Variants in SNTG2 observed in about 807,000 individuals in gnomAD.
SNTG2 encodes the protein gamma-2-syntrophin.
Under a neutral mutation model 70.9 loss-of-function variants are expected in SNTG2, and 74 were observed. The observed-to-expected ratio is 1.04, with a 90% CI of 0.86 to 1.27. The LOEUF is 1.27. Among genes scored for constraint, SNTG2 ranks in the 50% most tolerant of loss-of-function variants. The pLI, the probability that SNTG2 is intolerant of heterozygous loss-of-function variation, is 0.00. For missense variants in SNTG2, 717 were observed against 690.7 expected (o/e 1.04, Z -0.43); for synonymous variants, 278 against 273.8 (o/e 1.02, Z -0.15).
At chr2:1,362,106 T>G in intron 16 of SNTG2, among the ~76,000 whole-genome samples, 1 of 152,102 alleles carries the variant, frequency 6.6e-6, no homozygotes, top group Non-Finnish European at 1.5e-5. Flanking sequence ...TCCATGAAAG[T>G]CACTGATGCT....
intron 1 of SNTG2, among the ~76,000 whole-genome samples, chr2:959,088 T>C (rs1217900576): frequency 6.6e-6 from 1 of 152,150 alleles, no homozygotes; most frequent in African/African-American, 2.4e-5. Context: ...ATAACACTTA[T>C]ATAAGGTTTA....
intron 9 of SNTG2, among the ~76,000 whole-genome samples, chr2:1,211,144 TCTAA>T (rs1325533026): frequency 4.6e-5 from 7 of 152,236 alleles, no homozygotes; most frequent in Admixed American, 6.5e-5. Context: ...CAGTTCGTGC[TCTAA>T]CTGTGAATTC....
intron 8 of SNTG2, among the ~76,000 whole-genome samples, chr2:1,204,491 A>G (rs1371574992): frequency 6.6e-6 from 1 of 152,216 alleles, no homozygotes; most frequent in East Asian, 1.9e-4. Flanking sequence ...GTTACCTACA[A>G]TCAACCACAT....
At chr2:1,055,695 A>C (rs1174629084) in intron 1 of SNTG2, among the ~76,000 whole-genome samples, 1 of 152,234 alleles carries the variant, frequency 6.6e-6, no homozygotes, top group Non-Finnish European at 1.5e-5. Flanking sequence ...ATTTGGAAGA[A>C]ACCCGGAACA....
intron 1 of SNTG2, among the ~76,000 whole-genome samples, chr2:1,023,823 C>A (rs1217101440): frequency 6.6e-6 from 1 of 152,188 alleles, no homozygotes; most frequent in Non-Finnish European, 1.5e-5. Flanking sequence ...TCGATGTCCG[C>A]TTACACCAGG....
At chr2:1,323,634 A>G (rs1320466688) in intron 16 of SNTG2, among the ~76,000 whole-genome samples, 7 of 142,458 alleles carry the variant, frequency 4.9e-5, no homozygotes, top group Admixed American at 1.4e-4. Flanking sequence ...TCACATGGCT[A>G]AGACCCCCCA....
At chr2:1,152,609 T>C (rs1210872387) in intron 6 of SNTG2, among the ~76,000 whole-genome samples, 1 of 152,144 alleles carries the variant, frequency 6.6e-6, no homozygotes, top group African/African-American at 2.4e-5. Context: ...TGTGTGTATG[T>C]GTGCACATGT....
chr2:1,164,714 A>G (rs1334039366), intron 6 of SNTG2, among the ~76,000 whole-genome samples: 1 of 145,876 alleles, frequency 6.9e-6, no homozygotes, highest in African/African-American at 2.5e-5. Flanking sequence ...GACAGTCTCC[A>G]TGTAGAGGGG....
rs775704215 is a variant in SNTG2 at position 1,173,117 on chromosome 2, C to A, written c.525C>A (p.His175Gln). The A allele has an allele frequency of 1.2e-6, 2 of 1,614,038 alleles. No homozygotes were observed. Among genetic ancestry groups the A allele is most frequent in the African/African-American group, 2.7e-5 (2 of 75,054 alleles). Residue 175 changes from histidine (H) to glutamine (Q), a missense_variant, in exon 8 of 17, where the codon CAC (histidine) becomes CAA (glutamine). Coordinates refer to ENST00000308624, the MANE Select transcript of SNTG2 (RefSeq NM_018968.4). ...GGTCCCCAGGGCCATCCAGCGACCACAGCAGTGGGGCCTCCTCTCCCCTCT... is the reference window on the plus strand; with the variant it reads ...GGTCCCCAGGGCCATCCAGCGACCAAAGCAGTGGGGCCTCCTCTCCCCTCT... The part of the protein sequence containing the change: ...PLGSPGPSSD[H>Q]SSGASSPLFD...
intron 1 of SNTG2, among the ~76,000 whole-genome samples, chr2:970,519 T>C (rs1173874652): frequency 3.0e-4 from 43 of 143,652 alleles, no homozygotes; most frequent in African/African-American, 1.1e-3. Context: ...ATACGCGGTG[T>C]TTGGTTTTTT....
At chr2:1,008,245 TTTAG>T (rs1659628512) in intron 1 of SNTG2, among the ~76,000 whole-genome samples, 3 of 152,236 alleles carry the variant, frequency 2.0e-5, no homozygotes, top group African/African-American at 7.2e-5. Context: ...CTTAATTCTC[TTTAG>T]TTAGGGGACA....
intron 4 of SNTG2, among the ~76,000 whole-genome samples, chr2:1,105,974 C>T (rs1666099303): frequency 6.6e-6 from 1 of 152,106 alleles, no homozygotes; most frequent in Admixed American, 6.5e-5. Context: ...AGTGGGCGCA[C>T]ACTGTCATTG....
chr2:1,116,086 G>A (rs1192831647), intron 4 of SNTG2, among the ~76,000 whole-genome samples: 5 of 152,174 alleles, frequency 3.3e-5, no homozygotes. Flanking sequence ...AACACCTTAC[G>A]TTTGTGCAGT....
intron 12 of SNTG2, 79 bp from the exon 13 acceptor site, chr2:1,259,291 T>C: frequency 8.0e-7 from 1 of 1,253,072 alleles, no homozygotes. Flanking sequence ...ACACATGCAG[T>C]CACACTATTG....
At chr2:1,156,423 A>G (rs1669901226) in intron 6 of SNTG2, among the ~76,000 whole-genome samples, 1 of 152,196 alleles carries the variant, frequency 6.6e-6, no homozygotes, top group Non-Finnish European at 1.5e-5. Flanking sequence ...GCAGCTGAAC[A>G]GGTGGAGGCT....
At chr2:1,364,622 G>A (rs1661377756) in intron 16 of SNTG2, among the ~76,000 whole-genome samples, 1 of 151,720 alleles carries the variant, frequency 6.6e-6, no homozygotes, top group East Asian at 1.9e-4. Flanking sequence ...GCCAGGCATG[G>A]TGGTGGGCGC....
chr2:1,104,601 A>G (rs55695057), intron 4 of SNTG2, among the ~76,000 whole-genome samples: 2,380 of 152,210 alleles, frequency 0.016, 32 homozygotes, highest in Non-Finnish European at 0.026. Flanking sequence ...GAAAGGAAAA[A>G]CTCACTTGTC....
At chr2:1,162,597 A>G (rs1670396713) in intron 6 of SNTG2, among the ~76,000 whole-genome samples, 1 of 151,760 alleles carries the variant, frequency 6.6e-6, no homozygotes, top group African/African-American at 2.4e-5. Flanking sequence ...CACACCGCAC[A>G]CTCTGCACCT....
At position 1,303,852 on chromosome 2, in the gene SNTG2, C is replaced by T. The variant is rs149782483; in HGVS notation, c.1285-4642C>T. Among the ~76,000 whole-genome samples the T allele has an allele frequency of 1.7e-3, 265 of 152,302 alleles. 4 individuals are homozygous for T. The highest frequency in any genetic ancestry group is 0.011 in the East Asian group (56 of 5,190). On this transcript the variant is annotated intron_variant, in intron 14 of 16. Transcript: ENST00000308624. ...TGAATAACTCTACACATATAAATCTCGCAACTTAAACTGAAGAGACTGTTT... is the reference window on the plus strand; with the variant it reads ...TGAATAACTCTACACATATAAATCTTGCAACTTAAACTGAAGAGACTGTTT...
Sources: gnomAD v4.1 joint callset for allele counts (sites outside exome capture counted in the v4.1 genomes callset) on GRCh38, gnomAD v4.1.1 for gene constraint, MANE v1.5 for transcripts, NCBI Gene and HGNC (gene_info 2026-07-23, HGNC 2026-07-21) for gene names.